The following ADRA1B variants were observed in gnomAD, a reference collection of about 807,000 sequenced individuals.
ADRA1B encodes adrenoceptor alpha 1B.
A neutral mutation model predicts 17.9 loss-of-function variants in ADRA1B; 17 were observed. That is an observed-to-expected ratio of 0.95 (90% CI 0.65 to 1.42). ADRA1B has a LOEUF of 1.42. ADRA1B is among the 40% of genes most tolerant of loss of function. ADRA1B has a pLI of 0.00. For synonymous variants in ADRA1B, 366 were observed against 327.6 expected, an observed-to-expected ratio of 1.12 and a Z score of -1.27; for missense variants, 681 against 722.1, an observed-to-expected ratio of 0.94 and a Z score of 0.65.
chr5:159,906,726 A>C (rs2113127969), intron 1 of ADRA1B, among the ~76,000 whole-genome samples: 1 of 152,356 alleles, frequency 6.6e-6, no homozygotes, highest in Non-Finnish European at 1.5e-5. Flanking sequence ...AGTTCCCTAG[A>C]CTGAACAAAG....
At chr5:159,929,525 C>A (rs1023830494) in intron 1 of ADRA1B, among the ~76,000 whole-genome samples, 2 of 150,706 alleles carry the variant, frequency 1.3e-5, no homozygotes, top group African/African-American at 4.9e-5. Context: ...AGAATAAAAA[C>A]CCTGCCTCGG....
intron 1 of ADRA1B, among the ~76,000 whole-genome samples, chr5:159,932,291 G>A (rs572117529): frequency 1.3e-5 from 2 of 151,910 alleles, no homozygotes; most frequent in African/African-American, 2.4e-5. Context: ...CAAGTAGCAG[G>A]GACCACAGGT....
At chr5:159,958,209 ATCTG>A (rs1335979614) in intron 1 of ADRA1B, among the ~76,000 whole-genome samples, 43 of 152,216 alleles carry the variant, frequency 2.8e-4, no homozygotes, top group Admixed American at 1.8e-3. Context: ...AAGATATTGG[ATCTG>A]TCTAAGTTTA....
rs1264821447 is a variant in ADRA1B at position 159,972,423 on chromosome 5, C to A, written c.1494C>A (p.Ala498=). 2.7e-6 allele frequency: 4 copies of A among 1,508,232 alleles called. No individual in the cohort carries two copies. Among genetic ancestry groups the A allele is most frequent in the Non-Finnish European group, 3.5e-6 (4 of 1,134,544 alleles). The allele number at this position is 1,508,232 out of a possible 1,614,324, so 93.4% of individuals were successfully genotyped here. A position where few individuals can be genotyped will look rare whatever the true frequency, so the allele number is the denominator to read the frequency against. Residue 498 remains alanine, a synonymous_variant, in exon 2 of 2, where the codon GCC becomes GCA. Transcript: ENST00000306675. ...GCGCCAGCAACGGAGGCTGCGAGGC[C>A]GCGGCCGACGTGGCCAACGGGCAGC... is the stretch of plus-strand genomic sequence containing the variant. The part of the protein sequence containing the change: ...DGGASNGGCE[A]AADVANGQPG...
At chr5:159,903,987 C>T (rs965862048) in intron 1 of ADRA1B, among the ~76,000 whole-genome samples, 2 of 151,966 alleles carry the variant, frequency 1.3e-5, no homozygotes, top group African/African-American at 2.4e-5. Context: ...TGCATGTATG[C>T]GTGTGTGTGT....
At chr5:159,876,432 A>C (rs541511892) in intron 1 of ADRA1B, among the ~76,000 whole-genome samples, 2 of 152,188 alleles carry the variant, frequency 1.3e-5, no homozygotes, top group African/African-American at 4.8e-5. Flanking sequence ...CCAGGAGCAA[A>C]ATATTTTCAG....
intron 1 of ADRA1B, among the ~76,000 whole-genome samples, chr5:159,921,561 G>A (rs1368962545): frequency 3.3e-5 from 5 of 152,072 alleles, no homozygotes; most frequent in East Asian, 1.9e-4. Flanking sequence ...GAAGTGCTCC[G>A]CAGCCAACCA....
chr5:159,972,188 C>A lies in ADRA1B; in HGVS notation c.1259C>A (p.Thr420Asn). Reference sequence around the variant, plus strand: ...AGCTGCCTGAGCGGCAGCCAGCGGACCCTGCCCTCGGCCTCGCCGAGCCCG... The same window carrying A: ...AGCTGCCTGAGCGGCAGCCAGCGGAACCTGCCCTCGGCCTCGCCGAGCCCG... Reference protein sequence around the residue: ...SGSCLSGSQRTLPSASPSPGY... With the variant: ...SGSCLSGSQRNLPSASPSPGY... The change falls in exon 2 of 2, where the codon ACC becomes AAC. Residue 420 changes from threonine (T) to asparagine (N), a missense_variant. By Grantham distance (65) the Thr-to-Asn change is moderately conservative. This residue lies in a region of ADRA1B where 251 missense variants were observed against 224.9 expected (regional missense o/e 1.12). Coordinates refer to ENST00000306675, the MANE Select transcript of ADRA1B (RefSeq NM_000679.4). The A allele has an allele frequency of 1.5e-6, 2 of 1,365,546 alleles. No individual in the cohort carries two copies. The highest frequency in any genetic ancestry group is 1.9e-6 in the Non-Finnish European group (2 of 1,053,046). 84.6% of individuals were successfully genotyped at this position (1,365,546 alleles called of 1,614,324 possible). A position where few individuals can be genotyped will look rare whatever the true frequency, so the allele number is the denominator to read the frequency against.
intron 1 of ADRA1B, among the ~76,000 whole-genome samples, chr5:159,940,108 G>T (rs1290328669): frequency 1.3e-5 from 2 of 152,218 alleles, no homozygotes; most frequent in African/African-American, 4.8e-5. Flanking sequence ...GAAAAAGATC[G>T]ATTCCAATGT....
intron 1 of ADRA1B, among the ~76,000 whole-genome samples, chr5:159,961,203 C>T (rs1046773345): frequency 1.3e-5 from 2 of 152,212 alleles, no homozygotes; most frequent in Non-Finnish European, 2.9e-5. Flanking sequence ...ACATACTAGG[C>T]ATGTGACCTT....
At chr5:159,925,376 A>C (rs1351495779) in intron 1 of ADRA1B, among the ~76,000 whole-genome samples, 2 of 152,238 alleles carry the variant, frequency 1.3e-5, no homozygotes, top group African/African-American at 4.8e-5. Context: ...TCAGCTTCAC[A>C]ACTTATTATT....
Position 159,972,701 on chromosome 5 carries a change from G to C in ADRA1B, c.*209G>C, listed in dbSNP as rs1755906090. On this transcript the variant is annotated 3_prime_UTR_variant, in exon 2 of 2. Coordinates refer to ENST00000306675, the MANE Select transcript of ADRA1B (RefSeq NM_000679.4). ...CGGAAAGCCGGGCCGAGCATGCTGA[G>C]AGCCTGGGGGACCCGACGCCGCCGG... Among the ~76,000 whole-genome samples, 1 of 152,136 alleles carries C rather than the reference G, an allele frequency of 6.6e-6. No individual in the cohort carries two copies. Among genetic ancestry groups the C allele is most frequent in the South Asian group, 2.1e-4 (1 of 4,828 alleles).
At chr5:159,893,965 A>G (rs530287173) in intron 1 of ADRA1B, among the ~76,000 whole-genome samples, 173 of 152,326 alleles carry the variant, frequency 1.1e-3, no homozygotes, top group Non-Finnish European at 2.1e-3. Flanking sequence ...GACCATCCCA[A>G]GTAAACCTAA....
the ADRA1B span, among the ~76,000 whole-genome samples, chr5:159,985,433 C>A: frequency 0.23 from 34,354 of 152,130 alleles, 4,911 homozygotes; most frequent in African/African-American, 0.41. Context: ...GCAGGCACTC[C>A]TTAAATACTT....
intron 1 of ADRA1B, among the ~76,000 whole-genome samples, chr5:159,959,674 G>T (rs993571865): frequency 2.6e-5 from 4 of 152,074 alleles, no homozygotes; most frequent in Admixed American, 6.6e-5. Context: ...AGTTAAAAGT[G>T]ACACAAAATT....
chr5:159,908,503 T>C (rs1754191273), intron 1 of ADRA1B, among the ~76,000 whole-genome samples: 1 of 152,034 alleles, frequency 6.6e-6, no homozygotes, highest in Non-Finnish European at 1.5e-5. Flanking sequence ...TGGCACGTCC[T>C]CCTCTTTCTT....
chr5:159,890,260 C>T (rs530282540), intron 1 of ADRA1B, among the ~76,000 whole-genome samples: 9 of 152,270 alleles, frequency 5.9e-5, no homozygotes, highest in African/African-American at 2.2e-4. Flanking sequence ...TTACTGATCT[C>T]TACATCCTTG....
Position 159,972,536 on chromosome 5 carries a change from TGGGG to T in ADRA1B, c.*48_*51del. 3.4e-5 allele frequency: 1 copy of T among 29,242 alleles called. No homozygotes were observed. Among genetic ancestry groups the T allele is most frequent in the Non-Finnish European group, 5.4e-5 (1 of 18,652 alleles). The allele number at this position is 29,242 out of a possible 1,614,324, so 1.8% of individuals were successfully genotyped here. ...TCTTTCCCTGGGGAGGAAAACATCG[TGGGG>T]GGGAGGGGAGGGCGGGGCGGAGGGG... On this transcript the variant is annotated 3_prime_UTR_variant, in exon 2 of 2. Coordinates refer to ENST00000306675, the MANE Select transcript of ADRA1B (RefSeq NM_000679.4).
chr5:159,889,490 A>G (rs1581020999), intron 1 of ADRA1B, among the ~76,000 whole-genome samples: 1 of 152,298 alleles, frequency 6.6e-6, no homozygotes, highest in Non-Finnish European at 1.5e-5. Flanking sequence ...TAGATCCCTG[A>G]CTTGCCAGTT....
Sources: gnomAD v4.1 joint callset for allele counts (sites outside exome capture counted in the v4.1 genomes callset) on GRCh38, gnomAD v4.1.1 for gene constraint, gnomAD v4.1.1 regional missense constraint, MANE v1.5 for transcripts, NCBI Gene and HGNC (gene_info 2026-07-23, HGNC 2026-07-21) for gene names.